The following TMEM272 variants were observed in gnomAD, a reference collection of about 807,000 sequenced individuals.
The protein encoded by TMEM272 is transmembrane protein 272.
A neutral mutation model predicts 3.7 loss-of-function variants in TMEM272; 8 were observed. That is an observed-to-expected ratio of 2.17 (90% CI 1.27 to 3.91). The LOEUF is 3.91. Among genes scored for constraint, TMEM272 ranks in the 30% most tolerant of loss-of-function variants. TMEM272 has a pLI of 0.00. For synonymous variants in TMEM272, 63 were observed against 39.8 expected, an observed-to-expected ratio of 1.58 and a Z score of -2.20; for missense variants, 166 against 91.5, an observed-to-expected ratio of 1.81 and a Z score of -3.32.
At chr13:51,895,032 C>T in the TMEM272 span, among the ~76,000 whole-genome samples, 42 of 152,190 alleles carry the variant, frequency 2.8e-4, no homozygotes, top group East Asian at 7.5e-3. Flanking sequence ...GAATCTAATG[C>T]CACTGCTGAT....
intron 4 of TMEM272, among the ~76,000 whole-genome samples, chr13:51,821,444 A>G (rs530340741): frequency 6.6e-6 from 1 of 152,298 alleles, no homozygotes; most frequent in South Asian, 2.1e-4. Context: ...ATGTCAATAC[A>G]GCCCAGGAGC....
the TMEM272 span, among the ~76,000 whole-genome samples, chr13:51,881,704 G>A: frequency 1.3e-5 from 2 of 152,236 alleles, no homozygotes; most frequent in Admixed American, 1.3e-4. Flanking sequence ...AGGCCCCAGA[G>A]AGCTGCCCTC....
the TMEM272 span, chr13:51,910,508 A>T: frequency 4.0e-6 from 3 of 744,660 alleles, no homozygotes; most frequent in Non-Finnish European, 7.6e-6. Context: ...CCCATGGAAA[A>T]CCATAAGGAT....
the TMEM272 span, among the ~76,000 whole-genome samples, chr13:51,924,227 C>T: frequency 1.3e-5 from 2 of 152,022 alleles, no homozygotes; most frequent in African/African-American, 2.4e-5. Context: ...GACTCTCCTC[C>T]CCCACTGTTT....
At chr13:51,915,185 T>C in the TMEM272 span, among the ~76,000 whole-genome samples, 4 of 152,242 alleles carry the variant, frequency 2.6e-5, no homozygotes, top group Non-Finnish European at 5.9e-5. Context: ...CTGATTGACT[T>C]TTCATCTGGC....
chr13:51,913,881 T>C, the TMEM272 span, among the ~76,000 whole-genome samples: 4 of 152,184 alleles, frequency 2.6e-5, no homozygotes, highest in Middle Eastern at 3.2e-3. Context: ...TCAAGCAGCA[T>C]GGCTGGGATT....
chr13:51,896,069 G>A, the TMEM272 span, among the ~76,000 whole-genome samples: 102 of 152,300 alleles, frequency 6.7e-4, no homozygotes, highest in African/African-American at 2.4e-3. Flanking sequence ...GAGAACAAGA[G>A]TCTGCTAAAT....
At chr13:51,910,186 G>A in the TMEM272 span, 15 of 1,107,698 alleles carry the variant, frequency 1.4e-5, no homozygotes, top group South Asian at 1.7e-4. Context: ...TCTAGACAGA[G>A]TATTTCATGC....
At chr13:51,834,573 ACT>A (rs1956199095) in intron 2 of TMEM272, among the ~76,000 whole-genome samples, 1 of 151,912 alleles carries the variant, frequency 6.6e-6, no homozygotes, top group Non-Finnish European at 1.5e-5. Flanking sequence ...AAAATCTACC[ACT>A]CTCTGTTTAG....
rs1265870088 is a variant in TMEM272, at chr13:51,819,559, G to GCCACCTGGCC, written c.202-2456_202-2447dup. On this transcript the variant is annotated intron_variant, in intron 4 of 4. Coordinates refer to ENST00000629372, the MANE Select transcript of TMEM272 (RefSeq NM_001351003.2). ...GGTCCCACTGCCCAGGCTTCCTGGA[G>GCCACCTGGCC]CCACCTGGCCCCCTTCTCTCCCACT... 2.0e-3 allele frequency among the ~76,000 whole-genome samples: 304 copies of GCCACCTGGCC among 152,298 alleles called. 1 individual carries two copies. Among genetic ancestry groups the GCCACCTGGCC allele is most frequent in the African/African-American group, 6.6e-3 (275 of 41,564 alleles).
At chr13:51,894,990 C>A in the TMEM272 span, among the ~76,000 whole-genome samples, 1 of 152,002 alleles carries the variant, frequency 6.6e-6, no homozygotes, top group Non-Finnish European at 1.5e-5. Context: ...CACTGGCATG[C>A]ACAGTTCACA....
chr13:51,866,132 C>A, the TMEM272 span: 1 of 1,444,456 alleles, frequency 6.9e-7, no homozygotes, highest in South Asian at 1.4e-5. Flanking sequence ...GGTTGGGATT[C>A]AAGTCCAGGG....
the TMEM272 span, among the ~76,000 whole-genome samples, chr13:51,863,257 G>C: frequency 2.6e-5 from 4 of 152,234 alleles, no homozygotes; most frequent in Non-Finnish European, 5.9e-5. Flanking sequence ...GCAAGCTGGA[G>C]TTGGGCTGCA....
At chr13:51,841,958 T>C (rs1955635743) in intron 1 of TMEM272, among the ~76,000 whole-genome samples, 1 of 152,200 alleles carries the variant, frequency 6.6e-6, no homozygotes, top group Admixed American at 6.5e-5. Context: ...AAGACAGAAT[T>C]CCCAGGTACA....
the TMEM272 span, among the ~76,000 whole-genome samples, chr13:51,860,638 CAAA>C: frequency 8.5e-3 from 899 of 105,904 alleles, 11 homozygotes; most frequent in African/African-American, 0.029. Flanking sequence ...AAACATGTCT[CAAA>C]AAAAAAAAAA....
At chr13:51,926,718 G>T in the TMEM272 span, among the ~76,000 whole-genome samples, 2 of 152,136 alleles carry the variant, frequency 1.3e-5, no homozygotes, top group South Asian at 4.1e-4. Context: ...GCTGGGAGCA[G>T]GAGGGATGGA....
At chr13:51,830,665 C>T (rs990807008) in intron 2 of TMEM272, among the ~76,000 whole-genome samples, 2 of 152,180 alleles carry the variant, frequency 1.3e-5, no homozygotes, top group African/African-American at 4.8e-5. Flanking sequence ...CAGGCTTCCC[C>T]TTTATTTCAG....
the TMEM272 span, among the ~76,000 whole-genome samples, chr13:51,853,941 C>A: frequency 4.1e-4 from 62 of 152,230 alleles, no homozygotes; most frequent in East Asian, 9.6e-3. Flanking sequence ...TTTCTTTTTA[C>A]AATGAACATG....
chr13:51,916,546 G>C, the TMEM272 span, among the ~76,000 whole-genome samples: 1 of 152,148 alleles, frequency 6.6e-6, no homozygotes, highest in Admixed American at 6.5e-5. Context: ...TTAGAGAAAG[G>C]AGCCACATGG....
Sources: allele counts gnomAD v4.1 joint callset (sites outside exome capture counted in the v4.1 genomes callset), GRCh38; gene constraint gnomAD v4.1.1; transcripts MANE v1.5; gene names NCBI Gene and HGNC (gene_info 2026-07-23, HGNC 2026-07-21).